The following ZFP64 variants were observed in gnomAD, a reference collection of about 807,000 sequenced individuals.
The protein encoded by ZFP64 is ZFP64 zinc finger protein, also known as zinc finger protein 64.
Under a neutral mutation model 51.6 loss-of-function variants are expected in ZFP64, and 14 were observed. The ratio of observed to expected loss-of-function variants is 0.27; its 90% CI spans 0.18 to 0.42. The LOEUF (loss-of-function observed/expected upper bound fraction) is 0.42, where lower values mean the gene tolerates loss of function less well. ZFP64 is among the 10% of genes least tolerant of loss of function. ZFP64 has a pLI of 1.00. For missense variants in ZFP64, 754 were observed against 906.8 expected (o/e 0.83, Z 2.16); for synonymous variants, 375 against 361.4 (o/e 1.04, Z -0.43).
At chr20:52,179,865 T>C (rs765385978) in intron 2 of ZFP64, among the ~76,000 whole-genome samples, 3 of 152,314 alleles carry the variant, frequency 2.0e-5, no homozygotes, top group Middle Eastern at 3.4e-3. Context: ...TTCTATGATT[T>C]GTTATTTTAA....
At chr20:52,150,691 G>A (rs1440333917), downstream of ZFP64, among the ~76,000 whole-genome samples, 1 of 152,192 alleles carries the variant, frequency 6.6e-6, no homozygotes, top group African/African-American at 2.4e-5. Context: ...ATGTATCTAA[G>A]TATTCTCATA....
At chr20:52,174,123 G>A (rs889323366) in intron 2 of ZFP64, among the ~76,000 whole-genome samples, 1 of 152,160 alleles carries the variant, frequency 6.6e-6, no homozygotes, top group African/African-American at 2.4e-5. Flanking sequence ...CCAGGTGAAG[G>A]GGAGGAGCTC....
intron 7 of ZFP64, among the ~76,000 whole-genome samples, chr20:52,093,483 G>A (rs2078951659): frequency 6.6e-6 from 1 of 152,236 alleles, no homozygotes; most frequent in African/African-American, 2.4e-5. Flanking sequence ...AATTTCAGGG[G>A]TCTAAGATCT....
intron 1 of ZFP64, among the ~76,000 whole-genome samples, chr20:52,190,887 C>G (rs1476207429): frequency 6.6e-6 from 1 of 152,058 alleles, no homozygotes; most frequent in Non-Finnish European, 1.5e-5. Flanking sequence ...CAGCCCCACC[C>G]CCGAGATTGA....
chr20:52,127,279 G>T (rs12481222), intron 5 of ZFP64, among the ~76,000 whole-genome samples: 27,851 of 151,682 alleles, frequency 0.18, 2,990 homozygotes, highest in Admixed American at 0.26. Flanking sequence ...GAAGTGATAC[G>T]GTTAGAAATT....
At chr20:52,086,475 G>A (rs2078865277) in intron 8 of ZFP64, among the ~76,000 whole-genome samples, 1 of 126,212 alleles carries the variant, frequency 7.9e-6, no homozygotes, top group South Asian at 2.8e-4. Flanking sequence ...ACTTTCACAA[G>A]GAATTTTTTT....
chr20:52,162,230 G>A (rs928814991), intron 4 of ZFP64, among the ~76,000 whole-genome samples: 37 of 151,976 alleles, frequency 2.4e-4, no homozygotes, highest in African/African-American at 8.9e-4. Flanking sequence ...CTCGGAAGGC[G>A]GAGGTTGCAG....
intron 5 of ZFP64, among the ~76,000 whole-genome samples, chr20:52,112,698 T>C (rs1978657583): frequency 6.6e-6 from 1 of 151,584 alleles, no homozygotes; most frequent in African/African-American, 2.4e-5. Flanking sequence ...CACCGCAGTC[T>C]CAACTTCCAG....
At position 52,085,304 on chromosome 20, in the gene ZFP64, G is replaced by A. The variant is rs772590516; in HGVS notation, c.1229-38C>T. The A allele has an allele frequency of 2.6e-6, 4 of 1,554,428 alleles. No individual in the cohort carries two copies. Among genetic ancestry groups the A allele is most frequent in the South Asian group, 1.2e-5 (1 of 81,236 alleles). The stretch of plus-strand genomic sequence containing the variant: ...GGTGTGTTTCCATTAGAACAGGCAG[G>A]CAAAACAGACCCTCCCACCCCAACC... On this transcript the variant is annotated intron_variant, in intron 8 of 8. Transcript: ENST00000361387. The surrounding 1 kb of genome is among the most constrained non-coding windows in gnomAD (Gnocchi z 4.3).
At chr20:52,124,628 G>T (rs1456734084) in intron 5 of ZFP64, among the ~76,000 whole-genome samples, 75 of 147,422 alleles carry the variant, frequency 5.1e-4, no homozygotes, top group African/African-American at 1.3e-3. Context: ...TTTTTTTTTT[G>T]AAACAGGGTC....
At chr20:52,098,872 T>G (rs1038576441) in intron 5 of ZFP64, among the ~76,000 whole-genome samples, 6 of 151,718 alleles carry the variant, frequency 4.0e-5, no homozygotes, top group Admixed American at 6.6e-5. Flanking sequence ...CATGGTGGTA[T>G]GTGCCTGTAG....
intron 5 of ZFP64, chr20:52,104,671 C>T (rs1384077027): frequency 2.1e-6 from 1 of 472,574 alleles, no homozygotes; most frequent in Non-Finnish European, 4.4e-6. Context: ...CTCGCTCCCT[C>T]CCATCCTTCG....
At chr20:52,114,439 G>C (rs1189824501) in intron 5 of ZFP64, among the ~76,000 whole-genome samples, 1 of 152,128 alleles carries the variant, frequency 6.6e-6, no homozygotes, top group Admixed American at 6.6e-5. Context: ...CTCAAACTTT[G>C]ATGTACAGAG....
At chr20:52,166,049 T>C in intron 2 of ZFP64, 24 bp from the exon 3 acceptor site, 2 of 1,592,744 alleles carry the variant, frequency 1.3e-6, no homozygotes, top group South Asian at 1.1e-5. Context: ...TGATTATTAA[T>C]TTTCTTAATA....
At chr20:52,104,636 G>A (rs889469663) in intron 5 of ZFP64, 10 of 467,460 alleles carry the variant, frequency 2.1e-5, no homozygotes, top group Non-Finnish European at 4.4e-5. Context: ...GGCCTGGAAT[G>A]CTCTTCCCCC....
chr20:52,121,004 T>A (rs1396611819), intron 5 of ZFP64, among the ~76,000 whole-genome samples: 3 of 152,252 alleles, frequency 2.0e-5, no homozygotes, highest in Middle Eastern at 6.8e-3. Context: ...GATGCTACCC[T>A]CGTAACTGTT....
chr20:52,162,184 G>A (rs1413366140), intron 4 of ZFP64, among the ~76,000 whole-genome samples: 2 of 152,026 alleles, frequency 1.3e-5, no homozygotes, highest in Non-Finnish European at 2.9e-5. Context: ...TGTAATCCCT[G>A]CTACTCGGGA....
rs1443471654 is a variant in ZFP64 at position 52,085,570 on chromosome 20, G to A, written c.1229-304C>T. ...CTATGGCACTCAAGTCCATACTCTT[G>A]ATGACCCCTTCAGTTTCAAATCTAA... On this transcript the variant is annotated intron_variant, in intron 8 of 8. Coordinates refer to the ZFP64 transcript ENST00000361387. The surrounding 1 kb of genome is among the most constrained non-coding windows in gnomAD (Gnocchi z 4.3). Among the ~76,000 whole-genome samples, 1 of 152,262 alleles carries A rather than the reference G, an allele frequency of 6.6e-6. No individual in the cohort carries two copies. Among genetic ancestry groups the A allele is most frequent in the East Asian group, 1.9e-4 (1 of 5,178 alleles).
intron 2 of ZFP64, among the ~76,000 whole-genome samples, chr20:52,173,657 TC>T (rs1982936005): frequency 6.6e-6 from 1 of 151,740 alleles, no homozygotes; most frequent in Non-Finnish European, 1.5e-5. Flanking sequence ...TTTTTTTTTT[TC>T]TTTTTTTTTG....
Sources: allele counts gnomAD v4.1 joint callset (sites outside exome capture counted in the v4.1 genomes callset), GRCh38; gene constraint gnomAD v4.1.1; non-coding constraint Gnocchi (gnomAD v3.1); transcripts MANE v1.5; gene names NCBI Gene and HGNC (gene_info 2026-07-23, HGNC 2026-07-21).